Variants in DOCK1 observed in about 807,000 individuals in gnomAD.
The protein encoded by DOCK1 is dedicator of cytokinesis protein 1.
Under a neutral mutation model 262.7 loss-of-function variants are expected in DOCK1, and 138 were observed. The observed-to-expected ratio is 0.53, with a 90% CI of 0.46 to 0.61. The LOEUF is 0.61. Ranked by LOEUF, DOCK1 falls within the 20% of genes least tolerant of loss-of-function variation. The pLI is 0.00. For missense variants in DOCK1, 1,908 were observed against 2,370.7 expected (o/e 0.80, Z 4.05); for synonymous variants, 866 against 867.4 (o/e 1.00, Z 0.03).
intron 3 of DOCK1, among the ~76,000 whole-genome samples, chr10:126,978,448 T>C (rs2038711058): frequency 1.3e-5 from 2 of 152,190 alleles, no homozygotes; most frequent in South Asian, 4.1e-4. Context: ...AAAAAAGGAG[T>C]TCTGCTCTCC....
chr10:127,452,338 T>C lies in DOCK1; in HGVS notation c.*911T>C, dbSNP rs7731. Reference sequence around the variant, plus strand: ...CACACACACACACACATTTTTTTTTTGAGAACTCCAAAGTCCTGAAAATTT... The same window carrying C: ...CACACACACACACACATTTTTTTTTCGAGAACTCCAAAGTCCTGAAAATTT... On this transcript the variant is annotated 3_prime_UTR_variant, in exon 52 of 52. Transcript: ENST00000623213. The C allele has an allele frequency of 2.0e-5, 3 of 152,404 alleles. No individual in the cohort carries two copies. Among genetic ancestry groups the C allele is most frequent in the African/African-American group, 7.3e-5 (3 of 41,330 alleles). 9.4% of individuals were successfully genotyped at this position (152,404 alleles called of 1,614,324 possible). A position where few individuals can be genotyped will look rare whatever the true frequency, so the allele number is the denominator to read the frequency against.
At chr10:126,999,636 T>C (rs972960650) in intron 9 of DOCK1, among the ~76,000 whole-genome samples, 1 of 152,204 alleles carries the variant, frequency 6.6e-6, no homozygotes, top group Non-Finnish European at 1.5e-5. Context: ...GTGACAAAGA[T>C]TTACCCCATT....
intron 33 of DOCK1, among the ~76,000 whole-genome samples, chr10:127,364,725 A>G (rs912201584): frequency 5.3e-5 from 8 of 152,142 alleles, no homozygotes; most frequent in African/African-American, 1.9e-4. Flanking sequence ...AACCGTGGAC[A>G]GTAGAGAGGG....
In DOCK1 at chr10:127,367,466, G is replaced by A. The variant is rs182250160; in HGVS notation, c.3432+5254G>A. Among the ~76,000 whole-genome samples the A allele has an allele frequency of 7.9e-5, 12 of 152,238 alleles. No individual in the cohort carries two copies. In the East Asian group the frequency reaches 1.9e-3, roughly 25 times the overall value. On this transcript the variant is annotated intron_variant, in intron 33 of 51. Transcript: ENST00000623213. ...TGTGGCCTGGGACTCTCTGTCCAGC[G>A]CTGCAGTGAGTGCCTTAGGTCAGCT...
intron 27 of DOCK1, among the ~76,000 whole-genome samples, chr10:127,230,877 T>A (rs750202670): frequency 1.3e-5 from 2 of 152,178 alleles, no homozygotes; most frequent in Non-Finnish European, 2.9e-5. Context: ...AGGACTTGCG[T>A]TGGATCTGTA....
chr10:127,125,629 C>T (rs2133077990), intron 26 of DOCK1, 28 bp downstream of exon 26: 1 of 1,600,702 alleles, frequency 6.2e-7, no homozygotes, highest in South Asian at 1.1e-5. Context: ...GCGTGACGTC[C>T]TGCCATTTGC....
At chr10:127,403,400 C>A (rs2134322888) in intron 39 of DOCK1, among the ~76,000 whole-genome samples, 1 of 152,362 alleles carries the variant, frequency 6.6e-6, no homozygotes, top group Non-Finnish European at 1.5e-5. Flanking sequence ...TGTACGTAAA[C>A]AACTGCTGAC....
chr10:126,920,897 G>A (rs570392804), intron 1 of DOCK1, among the ~76,000 whole-genome samples: 115 of 152,182 alleles, frequency 7.6e-4, no homozygotes, highest in Non-Finnish European at 2.4e-4. Context: ...TGCTTCACTT[G>A]CCTTTACAAA....
intron 1 of DOCK1, among the ~76,000 whole-genome samples, chr10:126,924,232 GAACTGAGCAGGGGGAACTGAGT>G (rs2033481443): frequency 6.9e-6 from 1 of 145,798 alleles, no homozygotes; most frequent in East Asian, 2.1e-4. Context: ...CTGAATGCTG[GAACTGAGCAGGGGGAACTGAGT>G]GCTGGAACTC....
intron 29 of DOCK1, among the ~76,000 whole-genome samples, chr10:127,325,324 T>C (rs566337358): frequency 6.6e-6 from 1 of 152,344 alleles, no homozygotes; most frequent in Admixed American, 6.5e-5. Context: ...GCTGTTTGAG[T>C]ACTTGAGAGT....
At chr10:127,212,171 T>G (rs1386470195) in intron 27 of DOCK1, among the ~76,000 whole-genome samples, 4 of 152,126 alleles carry the variant, frequency 2.6e-5, no homozygotes, top group Non-Finnish European at 5.9e-5. Context: ...TTAACCCCAG[T>G]TCACTGATTT....
At chr10:127,341,541 C>T (rs1463948528) in intron 30 of DOCK1, among the ~76,000 whole-genome samples, 2 of 152,200 alleles carry the variant, frequency 1.3e-5, no homozygotes, top group African/African-American at 4.8e-5. Flanking sequence ...TTCCCCATCT[C>T]ATACTAGACT....
At position 126,910,610 on chromosome 10, in the gene DOCK1, T is replaced by C. The variant is rs75332237; in HGVS notation, c.46+5047T>C. On this transcript the variant is annotated intron_variant, in intron 1 of 51. Transcript: ENST00000623213. ...AATTCAGGGAGATCATGAGTAGCCA[T>C]TACTAGTTTCACCTAAGGTTACGTC... Among the ~76,000 whole-genome samples the C allele has an allele frequency of 8.7e-3, 1,328 of 152,358 alleles. 12 individuals carry two copies. The highest frequency in any genetic ancestry group is 0.029 in the South Asian group (139 of 4,820).
At chr10:127,159,602 G>A (rs2053407992) in intron 27 of DOCK1, among the ~76,000 whole-genome samples, 1 of 152,070 alleles carries the variant, frequency 6.6e-6, no homozygotes, top group Non-Finnish European at 1.5e-5. Flanking sequence ...TGGACCAATA[G>A]CAAAAGAGGG....
rs546489870 is a variant in DOCK1, at chr10:127,332,199, GAC to G, written c.3045-6804_3045-6803del. Among the ~76,000 whole-genome samples, 290 of 152,304 alleles carry G rather than the reference GAC, an allele frequency of 1.9e-3. 2 individuals carry two copies. Among genetic ancestry groups the G allele is most frequent in the Admixed American group, 3.5e-3 (53 of 15,310 alleles). ...GGCTCATGGAGACCCAAGTGGGGAT[GAC>G]ACGGCCTCAGGCTAGAGCAGACGCA... On this transcript the variant is annotated intron_variant, in intron 29 of 51. Transcript: ENST00000623213.
intron 47 of DOCK1, among the ~76,000 whole-genome samples, chr10:127,428,509 T>C (rs1226377096): frequency 6.9e-6 from 1 of 144,782 alleles, no homozygotes; most frequent in Non-Finnish European, 1.5e-5. Context: ...GTCGTGTGGA[T>C]TGGGGTGCCA....
intron 27 of DOCK1, among the ~76,000 whole-genome samples, chr10:127,130,563 AG>A (rs2050261510): frequency 6.6e-6 from 1 of 152,252 alleles, no homozygotes; most frequent in African/African-American, 2.4e-5. Context: ...TAGACCCTGC[AG>A]GGAATGATAT....
At chr10:127,010,463 T>C (rs1468527545) in intron 11 of DOCK1, among the ~76,000 whole-genome samples, 1 of 152,180 alleles carries the variant, frequency 6.6e-6, no homozygotes, top group Non-Finnish European at 1.5e-5. Context: ...GGAGATTCTG[T>C]CTCAATGATA....
chr10:127,281,347 CAG>C (rs1262762815), intron 29 of DOCK1, among the ~76,000 whole-genome samples: 1 of 152,080 alleles, frequency 6.6e-6, no homozygotes, highest in Non-Finnish European at 1.5e-5. Context: ...GAAAATGATA[CAG>C]AGTTTAGGAA....
Sources: gnomAD v4.1 joint callset for allele counts (sites outside exome capture counted in the v4.1 genomes callset) on GRCh38, gnomAD v4.1.1 for gene constraint, MANE v1.5 for transcripts, NCBI Gene and HGNC (gene_info 2026-07-23, HGNC 2026-07-21) for gene names.